The following STK33 variants were observed in gnomAD, a reference collection of about 807,000 sequenced individuals.
STK33 encodes the protein serine/threonine kinase 33.
A neutral mutation model predicts 58.0 loss-of-function variants in STK33; 52 were observed. That is an observed-to-expected ratio of 0.90 (90% CI 0.72 to 1.13). The LOEUF (loss-of-function observed/expected upper bound fraction) is 1.13. STK33 is among the 50% of genes most tolerant of loss of function. STK33 has a pLI of 0.00. For synonymous variants in STK33, 215 were observed against 200.1 expected, an observed-to-expected ratio of 1.07 and a Z score of -0.63; for missense variants, 630 against 604.2, an observed-to-expected ratio of 1.04 and a Z score of -0.45.
intron 1 of STK33, among the ~76,000 whole-genome samples, chr11:8,536,040 C>T (rs1357006903): frequency 6.6e-6 from 1 of 151,882 alleles, no homozygotes; most frequent in Non-Finnish European, 1.5e-5. Context: ...CATGTGGGGG[C>T]TAAAAATTTG....
intron 1 of STK33, among the ~76,000 whole-genome samples, chr11:8,520,357 G>T (rs540137157): frequency 9.2e-4 from 140 of 152,200 alleles, no homozygotes; most frequent in African/African-American, 3.3e-3. Context: ...AATAATAAGA[G>T]CTATTTATGA....
intron 1 of STK33, among the ~76,000 whole-genome samples, chr11:8,523,714 G>T (rs541724188): frequency 6.7e-6 from 1 of 149,426 alleles, no homozygotes; most frequent in East Asian, 2.0e-4. Flanking sequence ...GGGTGCCTCC[G>T]CCCAGCCACC....
Position 8,464,804 on chromosome 11 carries a change from T to C in STK33, c.358A>G (p.Arg120Gly), listed in dbSNP as rs752619898. 2 of 1,610,056 alleles carry C rather than the reference T, an allele frequency of 1.2e-6. No individual in the cohort carries two copies. The highest frequency in any genetic ancestry group is 4.5e-5 in the East Asian group (2 of 44,810). ...AAIEEIYTFG[R>G]ILGKGSFGIV... ...CCAAAGCTCCCTTTTCCCAATATTC[T>C]TCCAAAGGTATAGATTTCCTGGAGA... The change falls in exon 7 of 16, where the codon AGA (arginine) becomes GGA (glycine). Residue 120 changes from arginine to glycine, a missense_variant. Physicochemically the swap from Arg to Gly is moderately radical, Grantham distance 125 (BLOSUM62 -2). Transcript: ENST00000687296.
chr11:8,561,765 T>C (rs1466370023), intron 1 of STK33, among the ~76,000 whole-genome samples: 1 of 152,182 alleles, frequency 6.6e-6, no homozygotes, highest in African/African-American at 2.4e-5. Context: ...ATAAAAAGAA[T>C]TTATCAGAAA....
chr11:8,344,401 A>T, the STK33 span, among the ~76,000 whole-genome samples: 3 of 152,194 alleles, frequency 2.0e-5, no homozygotes, highest in Admixed American at 2.0e-4. Flanking sequence ...AAAAATAAAA[A>T]TAACAGCAAA....
the STK33 span, among the ~76,000 whole-genome samples, chr11:8,376,277 C>T: frequency 0.92 from 139,530 of 152,170 alleles, 64,567 homozygotes; most frequent in East Asian, 1. Flanking sequence ...AAGCATGTCA[C>T]GGGGGCAAGC....
At chr11:8,585,897 T>C (rs1294891034) in intron 1 of STK33, among the ~76,000 whole-genome samples, 1 of 151,920 alleles carries the variant, frequency 6.6e-6, no homozygotes, top group African/African-American at 2.4e-5. Flanking sequence ...CTACTAAAAA[T>C]ACAAAATTAG....
At chr11:8,501,377 A>T (rs1208905351) in intron 1 of STK33, among the ~76,000 whole-genome samples, 1 of 152,150 alleles carries the variant, frequency 6.6e-6, no homozygotes, top group Non-Finnish European at 1.5e-5. Flanking sequence ...ATGGGCAAAG[A>T]ATTTGAATAA....
At chr11:8,467,388 A>C (rs1274655786) in intron 6 of STK33, 1 of 152,626 alleles carries the variant, frequency 6.6e-6, no homozygotes, top group Non-Finnish European at 1.5e-5. Context: ...CTCAAGTTTA[A>C]AGTTCCACAA....
At chr11:8,538,062 C>T (rs999442729) in intron 1 of STK33, among the ~76,000 whole-genome samples, 10 of 151,858 alleles carry the variant, frequency 6.6e-5, no homozygotes, top group African/African-American at 2.4e-4. Context: ...GTGGTGTGCA[C>T]CTGTAGTCCA....
At chr11:8,443,139 A>C (rs1944980309) in intron 11 of STK33, among the ~76,000 whole-genome samples, 2 of 152,206 alleles carry the variant, frequency 1.3e-5, no homozygotes, top group Non-Finnish European at 2.9e-5. Context: ...AAAAGTACAA[A>C]AACAATGTGT....
chr11:8,360,513 C>T, the STK33 span, among the ~76,000 whole-genome samples: 1 of 152,256 alleles, frequency 6.6e-6, no homozygotes, highest in Non-Finnish European at 1.5e-5. Context: ...TGGTTTAAAA[C>T]AATGCCCATT....
At chr11:8,534,275 CA>C (rs10712860) in intron 1 of STK33, among the ~76,000 whole-genome samples, 18,272 of 131,478 alleles carry the variant, frequency 0.14, 1,247 homozygotes, top group African/African-American at 0.21. Flanking sequence ...GACTGCATCT[CA>C]AAAAAAAAAA....
chr11:8,361,573 T>C, the STK33 span, among the ~76,000 whole-genome samples: 77 of 152,260 alleles, frequency 5.1e-4, 2 homozygotes, highest in East Asian at 0.014. This position sits in a 1 kb window ranked among gnomAD's most constrained non-coding sequence, Gnocchi z 4.8. Flanking sequence ...GACCTTTCGT[T>C]GCACTGGTCT....
At chr11:8,402,317 G>A (rs1375896478) in intron 15 of STK33, among the ~76,000 whole-genome samples, 1 of 152,148 alleles carries the variant, frequency 6.6e-6, no homozygotes, top group Non-Finnish European at 1.5e-5. Context: ...CCTTTGTAGG[G>A]ACATGGATGA....
chr11:8,347,154 C>T, the STK33 span, among the ~76,000 whole-genome samples: 57 of 152,272 alleles, frequency 3.7e-4, no homozygotes, highest in African/African-American at 1.2e-3. Flanking sequence ...TCTCCCCTTT[C>T]GATATATCTT....
At chr11:8,446,374 C>G (rs914956040) in intron 11 of STK33, among the ~76,000 whole-genome samples, 1 of 152,106 alleles carries the variant, frequency 6.6e-6, no homozygotes, top group Admixed American at 6.6e-5. Flanking sequence ...GTCCCTATCT[C>G]CTTGGGTTCT....
the STK33 span, among the ~76,000 whole-genome samples, chr11:8,371,333 G>C: frequency 6.6e-6 from 1 of 152,088 alleles, no homozygotes; most frequent in Non-Finnish European, 1.5e-5. Context: ...CAGAGGCAGA[G>C]ACTGGAGGGA....
chr11:8,489,448 T>C (rs1265049536), intron 1 of STK33, among the ~76,000 whole-genome samples: 1 of 152,184 alleles, frequency 6.6e-6, no homozygotes, highest in African/African-American at 2.4e-5. Flanking sequence ...ATTTGGCTCA[T>C]GGTTCTAGAG....
Sources: gnomAD v4.1 joint callset for allele counts (sites outside exome capture counted in the v4.1 genomes callset) on GRCh38, gnomAD v4.1.1 for gene constraint, Gnocchi (gnomAD v3.1) non-coding constraint, MANE v1.5 for transcripts, NCBI Gene and HGNC (gene_info 2026-07-23, HGNC 2026-07-21) for gene names.